The following FAM168B variants were observed in gnomAD, a reference collection of about 807,000 sequenced individuals.
FAM168B encodes the protein family with sequence similarity 168 member B, also known as myelin-associated neurite-outgrowth inhibitor.
FAM168B carries 19 observed loss-of-function variants against 21.8 expected under a neutral mutation model. The ratio of observed to expected loss-of-function variants is 0.87; its 90% confidence interval spans 0.61 to 1.28. FAM168B has a LOEUF of 1.28. FAM168B is among the 50% of genes most tolerant of loss of function. The probability of loss-of-function intolerance (pLI) is 0.00; values close to 1 mark genes in which losing one functional copy is unlikely to be tolerated. For missense variants in FAM168B, 233 were observed against 263.1 expected, an observed-to-expected ratio of 0.89 and a Z score of 0.79; for synonymous variants, 126 against 104.8, an observed-to-expected ratio of 1.20 and a Z score of -1.24.
rs1352054423 is a variant in FAM168B, at chr2:131,050,452, T to G, written c.*2013A>C. 1.0e-6 allele frequency: 1 copy of G among 985,720 alleles called. No individual in the cohort carries two copies. The highest frequency in any genetic ancestry group is 1.7e-5 in the African/African-American group (1 of 57,220). 61.1% of individuals were successfully genotyped at this position (985,720 alleles called of 1,614,324 possible). On this transcript the variant is annotated 3_prime_UTR_variant, in exon 7 of 7. Transcript: ENST00000389915. ...AACAGATGGAATTACCAACAGAGAC[T>G]TGAAGAAAGGGGCACAAACTGTGTG...
intron 2 of FAM168B, among the ~76,000 whole-genome samples, chr2:131,074,967 C>T (rs1194568612): frequency 6.6e-6 from 1 of 152,152 alleles, no homozygotes; most frequent in East Asian, 1.9e-4. Context: ...TTCAAAGTTG[C>T]TTTCCTCACT....
At chr2:131,092,633 A>T (rs548211468) in intron 1 of FAM168B, among the ~76,000 whole-genome samples, 1 of 152,284 alleles carries the variant, frequency 6.6e-6, no homozygotes, top group East Asian at 1.9e-4. Context: ...GTTCACATAC[A>T]CTATAAAACA....
chr2:131,060,421 C>T (rs1012744844), intron 3 of FAM168B, among the ~76,000 whole-genome samples: 12 of 152,260 alleles, frequency 7.9e-5, no homozygotes, highest in Non-Finnish European at 1.6e-4. Flanking sequence ...GAAACGTTTC[C>T]TAATCACTCT....
At chr2:131,055,047 C>T (rs1691935213) in intron 5 of FAM168B, among the ~76,000 whole-genome samples, 1 of 152,142 alleles carries the variant, frequency 6.6e-6, no homozygotes, top group Admixed American at 6.5e-5. Context: ...TGGCTCAGTT[C>T]ACCAACAAAG....
chr2:131,089,302 C>T (rs1693886807), intron 1 of FAM168B, among the ~76,000 whole-genome samples: 1 of 151,254 alleles, frequency 6.6e-6, no homozygotes, highest in African/African-American at 2.4e-5. Flanking sequence ...TTTGAAATGA[C>T]TCAACTGTCA....
chr2:131,059,774 C>T (rs958741186), intron 3 of FAM168B, among the ~76,000 whole-genome samples: 5 of 152,148 alleles, frequency 3.3e-5, no homozygotes, highest in African/African-American at 1.2e-4. Flanking sequence ...ACACTGATTA[C>T]AATCTCAGTA....
At chr2:131,071,806 CT>C in intron 3 of FAM168B, 48 bp downstream of exon 3, 2 of 1,555,770 alleles carry the variant, frequency 1.3e-6, no homozygotes, top group South Asian at 1.1e-5. Flanking sequence ...ACCCCTTCAC[CT>C]TTCTCTCCCA....
chr2:131,077,257 G>C (rs1016507829), intron 2 of FAM168B, among the ~76,000 whole-genome samples: 1 of 150,858 alleles, frequency 6.6e-6, no homozygotes, highest in African/African-American at 2.4e-5. Flanking sequence ...TCTGTGAACT[G>C]TTATGGAGTG....
At chr2:131,060,467 T>G (rs951473273) in intron 3 of FAM168B, among the ~76,000 whole-genome samples, 1 of 152,236 alleles carries the variant, frequency 6.6e-6, no homozygotes, top group African/African-American at 2.4e-5. Flanking sequence ...CAAGGAAGAC[T>G]GCTACAGATT....
chr2:131,063,628 T>C (rs767032025), intron 3 of FAM168B, among the ~76,000 whole-genome samples: 1 of 152,012 alleles, frequency 6.6e-6, no homozygotes, highest in African/African-American at 2.4e-5. Flanking sequence ...AAATAAAAAT[T>C]AGCAAGGCAT....
rs1693743454 is a variant in FAM168B at position 131,087,064 on chromosome 2, A to AC, written c.-11-4408_-11-4407insG. 5.0e-4 allele frequency among the ~76,000 whole-genome samples: 2 copies of AC among 3,968 alleles called. 1 individual carries two copies. Among genetic ancestry groups the AC allele is most frequent in the Non-Finnish European group, 1.5e-3 (2 of 1,352 alleles). The allele number at this position is 3,968 out of a possible 152,430, so 2.6% of individuals were successfully genotyped here. A position where few individuals can be genotyped will look rare whatever the true frequency, so the allele number is the denominator to read the frequency against. On this transcript the variant is annotated intron_variant, in intron 1 of 6. Coordinates refer to ENST00000389915, the MANE Select transcript of FAM168B (RefSeq NM_001009993.4). ...CTGGGCGACAGCGAGACTCCGTCTC[A>AC]AAAAAAAAAAAAAAAAAAAAAGAGT...
rs78991443 is a variant in FAM168B, at chr2:131,081,684, C to T, written c.70+893G>A. Among the ~76,000 whole-genome samples the T allele has an allele frequency of 2.0e-4, 30 of 152,232 alleles. No individual in the cohort carries two copies. The East Asian group carries it at 2.9e-3, about 15-fold the overall frequency. On this transcript the variant is annotated intron_variant, in intron 2 of 6. Coordinates refer to ENST00000389915, the MANE Select transcript of FAM168B (RefSeq NM_001009993.4). ...AAGAAGTCTCACTCTCATTCCCTGT[C>T]GCAAGGGTCCTAATACTCAATCTCT...
At chr2:131,086,782 A>ATAGTGTTCTGAGGGCTGAGAGGGG (rs1573822542) in intron 1 of FAM168B, among the ~76,000 whole-genome samples, 3 of 147,542 alleles carry the variant, frequency 2.0e-5, no homozygotes, top group South Asian at 4.2e-4. Context: ...TCACAAGAGA[A>ATAGTGTTCTGAGGGCTGAGAGGGG]AGGCCGGGCG....
chr2:131,069,839 A>G (rs985773435), intron 3 of FAM168B, among the ~76,000 whole-genome samples: 28 of 150,592 alleles, frequency 1.9e-4, no homozygotes, highest in African/African-American at 6.8e-4. Context: ...ATGATCCATA[A>G]AACGACTAAC....
In FAM168B at chr2:131,049,313, A is replaced by G. The variant is rs933959741; in HGVS notation, c.*3152T>C. The stretch of plus-strand genomic sequence containing the variant: ...ACTCACTGACCAGGTGCCCACCCCA[A>G]GGCTCAGGACCACCCCCATTGCCTG... On this transcript the variant is annotated 3_prime_UTR_variant, in exon 7 of 7. Coordinates refer to ENST00000389915, the MANE Select transcript of FAM168B (RefSeq NM_001009993.4). 4 of 985,542 alleles carry G rather than the reference A, an allele frequency of 4.1e-6. No homozygotes were observed. In the South Asian group the frequency reaches 1.9e-4, roughly 46 times the overall value. 61.0% of individuals were successfully genotyped at this position (985,542 alleles called of 1,614,324 possible). A position where few individuals can be genotyped will look rare whatever the true frequency, so the allele number is the denominator to read the frequency against.
At chr2:131,078,891 C>T (rs913484412) in intron 2 of FAM168B, among the ~76,000 whole-genome samples, 2 of 151,030 alleles carry the variant, frequency 1.3e-5, no homozygotes, top group African/African-American at 4.9e-5. Flanking sequence ...GAGGCTGAGG[C>T]AGGAGGATCC....
Position 131,050,676 on chromosome 2 carries a change from C to T in FAM168B, c.*1789G>A. On this transcript the variant is annotated 3_prime_UTR_variant, in exon 7 of 7. Transcript: ENST00000389915. ...GTGAAAAAGAAAATTATAAGAAGTACTTACTATAAAAAATAAGGTTACCAA... is the reference window on the plus strand; with the variant it reads ...GTGAAAAAGAAAATTATAAGAAGTATTTACTATAAAAAATAAGGTTACCAA... 1.0e-6 allele frequency: 1 copy of T among 985,124 alleles called. No homozygotes were observed. Among genetic ancestry groups the T allele is most frequent in the Non-Finnish European group, 1.2e-6 (1 of 829,630 alleles). 61.0% of individuals were successfully genotyped at this position (985,124 alleles called of 1,614,324 possible). A position where few individuals can be genotyped will look rare whatever the true frequency, so the allele number is the denominator to read the frequency against.
At chr2:131,052,852 T>C in intron 6 of FAM168B, 39 bp downstream of exon 6, 3 of 1,544,036 alleles carry the variant, frequency 1.9e-6, no homozygotes, top group East Asian at 2.5e-5. Context: ...GGAAATGCCC[T>C]TTCATCAAAG....
intron 2 of FAM168B, among the ~76,000 whole-genome samples, chr2:131,077,008 G>A (rs1467286304): frequency 1.3e-5 from 2 of 152,018 alleles, no homozygotes; most frequent in Non-Finnish European, 2.9e-5. Context: ...ACAATCACAT[G>A]TGCATTTGCT....
Sources: allele counts gnomAD v4.1 joint callset (sites outside exome capture counted in the v4.1 genomes callset), GRCh38; gene constraint gnomAD v4.1.1; transcripts MANE v1.5; gene names NCBI Gene and HGNC (gene_info 2026-07-23, HGNC 2026-07-21).